Variants in MEGF6 observed in about 807,000 individuals in gnomAD.
The protein encoded by MEGF6 is multiple epidermal growth factor-like domains protein 6.
A neutral mutation model predicts 207.1 loss-of-function variants in MEGF6; 184 were observed. That is an observed-to-expected ratio of 0.89 (90% CI 0.79 to 1.00). The LOEUF (loss-of-function observed/expected upper bound fraction) is 1.00. Ranked by LOEUF, MEGF6 falls within the 50% of genes least tolerant of loss-of-function variation. The pLI, the probability that MEGF6 is intolerant of heterozygous loss-of-function variation, is 0.00. For synonymous variants in MEGF6, 1,038 were observed against 910.0 expected (o/e 1.14, Z -2.53); for missense variants, 2,282 against 2,202.9 (o/e 1.04, Z -0.72).
chr1:3,492,890 G>T, intron 34 of MEGF6, 123 bp from the exon 35 acceptor site: 3 of 1,382,042 alleles, frequency 2.2e-6, no homozygotes, highest in Non-Finnish European at 2.9e-6. Flanking sequence ...GCCTGGGTGT[G>T]TGCGGGAGCT....
Position 3,560,580 on chromosome 1 carries a change from G to A in MEGF6, c.481+19245C>T. 1 of 360,824 alleles carries A rather than the reference G, an allele frequency of 2.8e-6. No individual in the cohort carries two copies. The highest frequency in any genetic ancestry group is 2.1e-5 in the South Asian group (1 of 47,230). 22.4% of individuals were successfully genotyped at this position (360,824 alleles called of 1,614,324 possible). A position where few individuals can be genotyped will look rare whatever the true frequency, so the allele number is the denominator to read the frequency against. On this transcript the variant is annotated intron_variant, in intron 4 of 36. Transcript: ENST00000356575. The surrounding 1 kb of genome is among the most constrained non-coding windows in gnomAD (Gnocchi z 4.0). ...AGCAACTTGCATTGAGGGGCTGAGA[G>A]GCCCCCCTGTTCTCCAAGAGAAACG... is the stretch of plus-strand genomic sequence containing the variant.
chr1:3,495,985 G>T lies in MEGF6; in HGVS notation c.3776C>A (p.Thr1259Asn), dbSNP rs757137563. The change falls in exon 30 of 37, where the codon ACC becomes AAC. Residue 1259 changes from threonine (T) to asparagine (N), a missense_variant. By Grantham distance (65) the Thr-to-Asn change is moderately conservative. Transcript: ENST00000356575. ...CCCCTGCCCACACCCACACACGTGGGTGCAGTTGGGGCCGAAGCGGCCCTG... is the reference window on the plus strand; with the variant it reads ...CCCCTGCCCACACCCACACACGTGGTTGCAGTTGGGGCCGAAGCGGCCCTG... Reference protein sequence around the residue: ...CPQGRFGPNCTHVCGCGQGAA... With the variant: ...CPQGRFGPNCNHVCGCGQGAA... 5 of 1,560,886 alleles carry T rather than the reference G, an allele frequency of 3.2e-6. No homozygotes were observed. In the African/African-American group the frequency reaches 6.8e-5, roughly 21 times the overall value.
At chr1:3,563,116 G>A (rs982756306) in intron 4 of MEGF6, among the ~76,000 whole-genome samples, 1 of 152,130 alleles carries the variant, frequency 6.6e-6, no homozygotes, top group South Asian at 2.1e-4. Context: ...GAGCAGCCCT[G>A]CCCCTGCCCC....
At position 3,525,191 on chromosome 1, in the gene MEGF6, C is replaced by A. The variant is rs779214618; in HGVS notation, c.482-945G>T. ...CCCAGGACAGAAGCCTTCGCTGTGC[C>A]GGCACCCTCCCCCATGAAGTGCCAC... is the stretch of plus-strand genomic sequence containing the variant. On this transcript the variant is annotated intron_variant, in intron 4 of 36. Transcript: ENST00000356575. Among the ~76,000 whole-genome samples, 32 of 152,176 alleles carry A rather than the reference C, an allele frequency of 2.1e-4. 1 individual carries two copies. Among genetic ancestry groups the A allele is most frequent in the Admixed American group, 2.6e-4 (4 of 15,280 alleles).
chr1:3,622,962 C>T, the MEGF6 span, among the ~76,000 whole-genome samples: 2 of 152,182 alleles, frequency 1.3e-5, no homozygotes, highest in Non-Finnish European at 1.5e-5. Flanking sequence ...CCCATATCCA[C>T]AGAAGGCTCA....
At chr1:3,591,300 G>C (rs1037367546) in intron 3 of MEGF6, among the ~76,000 whole-genome samples, 1 of 152,182 alleles carries the variant, frequency 6.6e-6, no homozygotes, top group African/African-American at 2.4e-5. Flanking sequence ...CCACCGAGCA[G>C]GGGGTAAGGC....
chr1:3,576,673 G>A lies in MEGF6; in HGVS notation c.481+3152C>T, dbSNP rs191421763. On this transcript the variant is annotated intron_variant, in intron 4 of 36. Transcript: ENST00000356575. ...CCTGCACACCTGGCCCTGCAAACCCGGCCTGCACACTCAGCCCTGCACACT... is the reference window on the plus strand; with the variant it reads ...CCTGCACACCTGGCCCTGCAAACCCAGCCTGCACACTCAGCCCTGCACACT... Among the ~76,000 whole-genome samples the A allele has an allele frequency of 3.5e-3, 491 of 139,708 alleles. 1 individual carries two copies. Among genetic ancestry groups the A allele is most frequent in the African/African-American group, 0.012 (444 of 37,474 alleles). 91.7% of individuals were successfully genotyped at this position (139,708 alleles called of 152,430 possible).
chr1:3,499,355 G>A, intron 23 of MEGF6, 89 bp from the exon 24 acceptor site: 1 of 1,478,470 alleles, frequency 6.8e-7, no homozygotes, highest in East Asian at 2.5e-5. Flanking sequence ...AGATCTGCCG[G>A]GGTCCCCTCG....
chr1:3,537,493 C>T (rs1045739615), intron 4 of MEGF6, among the ~76,000 whole-genome samples: 1 of 152,242 alleles, frequency 6.6e-6, no homozygotes, highest in Non-Finnish European at 1.5e-5. Context: ...TGTGTGTGCT[C>T]TGTGTGCCAG....
intron 4 of MEGF6, among the ~76,000 whole-genome samples, chr1:3,571,630 G>GCTGGGTGTGCTGGGTCCTTC: frequency 6.6e-6 from 1 of 151,012 alleles, no homozygotes; most frequent in African/African-American, 2.4e-5. Flanking sequence ...TGCTGGCCCT[G>GCTGGGTGTGCTGGGTCCTTC]CTGGGTGTGC....
chr1:3,607,534 C>T (rs1252452544), intron 1 of MEGF6, among the ~76,000 whole-genome samples: 1 of 152,170 alleles, frequency 6.6e-6, no homozygotes. Flanking sequence ...GCCACAGCAC[C>T]GCACCCGCAC....
intron 2 of MEGF6, among the ~76,000 whole-genome samples, chr1:3,600,308 C>A (rs765995244): frequency 6.6e-6 from 1 of 151,638 alleles, no homozygotes; most frequent in South Asian, 2.1e-4. Context: ...GGAGGAGTGG[C>A]CTGTGCCCAC....
intron 4 of MEGF6, among the ~76,000 whole-genome samples, chr1:3,578,169 A>G (rs1346924718): frequency 1.3e-5 from 2 of 152,170 alleles, no homozygotes; most frequent in African/African-American, 2.4e-5. Flanking sequence ...CTCCCCTAGG[A>G]ACAGAGACCA....
chr1:3,493,053 G>A, intron 34 of MEGF6: 1 of 467,282 alleles, frequency 2.1e-6, no homozygotes, highest in South Asian at 2.9e-5. Flanking sequence ...CGCCCCAGGA[G>A]GGCAAACAGG....
chr1:3,491,513 T>C (rs1487750058), intron 35 of MEGF6, among the ~76,000 whole-genome samples: 6 of 149,630 alleles, frequency 4.0e-5, no homozygotes, highest in Non-Finnish European at 8.9e-5. Context: ...GTCTTAAGGC[T>C]CTGAACAATC....
intron 1 of MEGF6, among the ~76,000 whole-genome samples, chr1:3,605,059 C>T (rs757500137): frequency 6.6e-6 from 1 of 151,432 alleles, no homozygotes; most frequent in African/African-American, 2.4e-5. Context: ...CAAACACACA[C>T]CCTCACACTC....
At chr1:3,578,905 CAACGTGG>C (rs1557791077) in intron 4 of MEGF6, among the ~76,000 whole-genome samples, 2 of 103,344 alleles carry the variant, frequency 1.9e-5, no homozygotes, top group African/African-American at 7.9e-5. Context: ...GCCCCCAGCG[CAACGTGG>C]AGTGGGCAGG....
intron 4 of MEGF6, among the ~76,000 whole-genome samples, chr1:3,533,783 C>T (rs1405901993): frequency 6.6e-6 from 1 of 152,240 alleles, no homozygotes; most frequent in Non-Finnish European, 1.5e-5. Context: ...CGACTCCAGT[C>T]ACCCTCACCA....
At position 3,560,840 on chromosome 1, in the gene MEGF6, G is replaced by C; in HGVS notation, c.481+18985C>G. On this transcript the variant is annotated intron_variant, in intron 4 of 36. Coordinates refer to ENST00000356575, the MANE Select transcript of MEGF6 (RefSeq NM_001409.4). This position sits in a 1 kb window ranked among gnomAD's most constrained non-coding sequence, Gnocchi z 4.0. ...GAACAGCCTCAGGCGTCGGCCGCGA[G>C]GGGGTTGCTGGGCTGGCTGGTCCCC... The C allele has an allele frequency of 2.3e-6, 1 of 443,546 alleles. No homozygotes were observed. Among genetic ancestry groups the C allele is most frequent in the South Asian group, 1.6e-5 (1 of 62,830 alleles). The allele number at this position is 443,546 out of a possible 1,614,324, so 27.5% of individuals were successfully genotyped here.
Sources: allele counts gnomAD v4.1 joint callset (sites outside exome capture counted in the v4.1 genomes callset), GRCh38; gene constraint gnomAD v4.1.1; non-coding constraint Gnocchi (gnomAD v3.1); transcripts MANE v1.5; gene names NCBI Gene and HGNC (gene_info 2026-07-23, HGNC 2026-07-21).